JPH1: variants seen among roughly 807,000 people sequenced by gnomAD.
The protein encoded by JPH1 is junctophilin 1, also known as junctophilin-1.
In JPH1, 12 loss-of-function variants were observed where a neutral mutation model predicts 53.6. The observed-to-expected ratio is 0.22, with a 90% CI of 0.14 to 0.36. JPH1 has a LOEUF of 0.36. Ranked by LOEUF, JPH1 falls within the 10% of genes least tolerant of loss-of-function variation. The pLI is 1.00. For synonymous variants in JPH1, 375 were observed against 363.8 expected (o/e 1.03, Z -0.35); for missense variants, 808 against 905.5 (o/e 0.89, Z 1.38).
chr8:74,306,322 A>G (rs1436576429), intron 2 of JPH1, among the ~76,000 whole-genome samples: 2 of 152,192 alleles, frequency 1.3e-5, no homozygotes, highest in African/African-American at 2.4e-5. Context: ...AGAATTCTCA[A>G]TGATTGCTCC....
intron 3 of JPH1, among the ~76,000 whole-genome samples, chr8:74,247,760 A>T (rs115478014): frequency 6.6e-6 from 1 of 152,190 alleles, no homozygotes; most frequent in Non-Finnish European, 1.5e-5. Context: ...CGTCACAAAA[A>T]AATGTCATTT....
intron 2 of JPH1, among the ~76,000 whole-genome samples, chr8:74,311,142 T>C (rs1173469692): frequency 6.6e-6 from 1 of 152,224 alleles, no homozygotes; most frequent in East Asian, 1.9e-4. Flanking sequence ...CTGAGAATAG[T>C]GATTTACACT....
At position 74,315,048 on chromosome 8, in the gene JPH1, A is replaced by T. The variant is rs758043709; in HGVS notation, c.952T>A (p.Cys318Ser). Residue 318 changes from cysteine (C) to serine (S), a missense_variant, in exon 2 of 6, where the codon TGT (cysteine) becomes AGT (serine). By Grantham distance (112) the Cys-to-Ser change is moderately radical. This residue lies in a region of JPH1 where 756 missense variants were observed against 811.9 expected (regional missense o/e 0.93). Transcript: ENST00000342232. This position sits in a 1 kb window ranked among gnomAD's most constrained non-coding sequence, Gnocchi z 6.3. ...WANNKRHGYG[C>S]TVFPDGSKEE... ...TTGGAGCCGTCAGGAAACACGGTAC[A>T]GCCATATCCATGCCTCTTGTTATTT... 7 of 1,614,124 alleles carry T rather than the reference A, an allele frequency of 4.3e-6. No homozygotes were observed. The East Asian group carries it at 1.1e-4, about 26-fold the overall frequency.
At chr8:74,313,436 T>G (rs916705079) in intron 2 of JPH1, among the ~76,000 whole-genome samples, 4 of 152,002 alleles carry the variant, frequency 2.6e-5, no homozygotes, top group African/African-American at 9.7e-5. Flanking sequence ...GAAATTAGTT[T>G]GGGATAAAGA....
intron 2 of JPH1, among the ~76,000 whole-genome samples, chr8:74,299,856 A>T (rs1169461018): frequency 2.6e-5 from 4 of 152,240 alleles, no homozygotes; most frequent in South Asian, 2.1e-4. Flanking sequence ...TTACAAATAT[A>T]GCAACTGTAA....
intron 2 of JPH1, among the ~76,000 whole-genome samples, chr8:74,314,576 C>G (rs1386479755): frequency 6.6e-6 from 1 of 152,120 alleles, no homozygotes; most frequent in Non-Finnish European, 1.5e-5. Flanking sequence ...AAGATGAGCA[C>G]AGGGTCTCAG....
At chr8:74,303,581 A>G (rs1807745328) in intron 2 of JPH1, among the ~76,000 whole-genome samples, 1 of 152,090 alleles carries the variant, frequency 6.6e-6, no homozygotes, top group Non-Finnish European at 1.5e-5. Flanking sequence ...TAGTTAGCAG[A>G]TAACTATTTT....
intron 2 of JPH1, among the ~76,000 whole-genome samples, chr8:74,260,621 G>A (rs1806361962): frequency 1.3e-5 from 2 of 152,050 alleles, no homozygotes; most frequent in East Asian, 3.9e-4. Context: ...GGAGGAGTTG[G>A]GAAAAGGCAT....
Position 74,321,235 on chromosome 8 carries a change from C to G in JPH1, c.53G>C (p.Trp18Ser). The change falls in exon 1 of 6, where the codon TGG (tryptophan) becomes TCG (serine). Residue 18 changes from tryptophan (W) to serine (S), a missense_variant. This residue lies in a region of JPH1 where 52 missense variants were observed against 93.6 expected (regional missense o/e 0.56). Transcript: ENST00000342232. This position sits in a 1 kb window ranked among gnomAD's most constrained non-coding sequence, Gnocchi z 4.3. Reference protein sequence around the residue: ...FDDGGTYCGGWEEGKAHGHGI... With the variant: ...FDDGGTYCGGSEEGKAHGHGI... ...ATGCCCGTGCGCCTTGCCCTCCTCCCAGCCGCCGCAGTAGGTGCCGCCATC... is the reference window on the plus strand; with the variant it reads ...ATGCCCGTGCGCCTTGCCCTCCTCCGAGCCGCCGCAGTAGGTGCCGCCATC... 4 of 1,606,768 alleles carry G rather than the reference C, an allele frequency of 2.5e-6. No homozygotes were observed. Among genetic ancestry groups the G allele is most frequent in the Non-Finnish European group, 3.4e-6 (4 of 1,176,880 alleles).
At position 74,315,716 on chromosome 8, in the gene JPH1, C is replaced by A. The variant is rs1586779717; in HGVS notation, c.380-96G>T. 2.5e-6 allele frequency: 3 copies of A among 1,211,960 alleles called. No homozygotes were observed. The highest frequency in any genetic ancestry group is 2.7e-5 in the East Asian group (1 of 37,460). The allele number at this position is 1,211,960 out of a possible 1,614,324, so 75.1% of individuals were successfully genotyped here. On this transcript the variant is annotated intron_variant, in intron 1 of 5. Transcript: ENST00000342232. The surrounding 1 kb of genome is among the most constrained non-coding windows in gnomAD (Gnocchi z 6.3). The stretch of plus-strand genomic sequence containing the variant: ...ACACTGGCGCAGGCCTGCCCAAGGT[C>A]AAATCTGACCCATTTCCAAGTCAAC...
chr8:74,244,913 C>G lies in JPH1; in HGVS notation c.1521G>C (p.Thr507=). Reference sequence around the variant, plus strand: ...ACATCAAGGGCTTATTGACAATGGCCGTCACCTGCTCATCAGCCACACTCC... The same window carrying G: ...ACATCAAGGGCTTATTGACAATGGCGGTCACCTGCTCATCAGCCACACTCC... ...DKRSVADEQV[T]AIVNKPLMSK... Residue 507 remains threonine (T), a synonymous_variant, in exon 4 of 6, where the codon ACG becomes ACC. Coordinates refer to ENST00000342232, the MANE Select transcript of JPH1 (RefSeq NM_020647.4). 1 of 1,614,138 alleles carries G rather than the reference C, an allele frequency of 6.2e-7. No individual in the cohort carries two copies. Among genetic ancestry groups the G allele is most frequent in the Non-Finnish European group, 8.5e-7 (1 of 1,180,046 alleles).
intron 2 of JPH1, among the ~76,000 whole-genome samples, chr8:74,262,745 G>A (rs1806427649): frequency 6.6e-6 from 1 of 152,276 alleles, no homozygotes; most frequent in East Asian, 1.9e-4. Flanking sequence ...GCACCTTATG[G>A]GTGAAGACAC....
intron 3 of JPH1, among the ~76,000 whole-genome samples, chr8:74,252,314 T>G (rs1162271776): frequency 2.0e-5 from 3 of 152,110 alleles, no homozygotes; most frequent in African/African-American, 7.2e-5. Context: ...AAGCTAAAAC[T>G]GACAAATGGG....
Position 74,315,510 on chromosome 8 carries a change from C to G in JPH1, c.490G>C (p.Ala164Pro). 1.2e-6 allele frequency: 2 copies of G among 1,604,552 alleles called. No homozygotes were observed. The highest frequency in any genetic ancestry group is 1.7e-6 in the Non-Finnish European group (2 of 1,176,226). Residue 164 changes from alanine (A) to proline (P), a missense_variant, in exon 2 of 6, where the codon GCC becomes CCC. Transcript: ENST00000342232. The surrounding 1 kb of genome is among the most constrained non-coding windows in gnomAD (Gnocchi z 6.3). ...TTGCTCTGCTCGCTGCGCAGCGAGG[C>G]CAGCGAGGTACGCAGCGGTGAGCGG... The part of the protein sequence containing the change: ...VIRSPLRTSL[A>P]SLRSEQSNGS...
intron 2 of JPH1, among the ~76,000 whole-genome samples, chr8:74,304,169 A>G (rs1316842606): frequency 6.6e-6 from 1 of 152,190 alleles, no homozygotes; most frequent in Non-Finnish European, 1.5e-5. Context: ...ATGGGTAATA[A>G]CTGCTTTTTC....
At chr8:74,268,228 C>T (rs367894170) in intron 2 of JPH1, among the ~76,000 whole-genome samples, 5 of 152,250 alleles carry the variant, frequency 3.3e-5, no homozygotes, top group Admixed American at 2.0e-4. Flanking sequence ...CAGGGGAAAT[C>T]TGGGGCTTAA....
At chr8:74,246,304 C>A (rs1326858680) in intron 3 of JPH1, among the ~76,000 whole-genome samples, 1 of 152,136 alleles carries the variant, frequency 6.6e-6, no homozygotes, top group Non-Finnish European at 1.5e-5. Context: ...CACAACACTG[C>A]ATCTGTTCAT....
chr8:74,236,337 G>A lies in JPH1; in HGVS notation c.*714C>T, dbSNP rs1259932139. On this transcript the variant is annotated 3_prime_UTR_variant, in exon 6 of 6. Coordinates refer to ENST00000342232, the MANE Select transcript of JPH1 (RefSeq NM_020647.4). ...GTTTCTTTTCCTTGAGATGCAACAC[G>A]TGTGTTTCGTCCGGCCAGGACCGCA... 2 of 152,280 alleles carry A rather than the reference G, an allele frequency of 1.3e-5. No individual in the cohort carries two copies. The highest frequency in any genetic ancestry group is 2.4e-5 in the African/African-American group (1 of 41,420). The allele number at this position is 152,280 out of a possible 1,614,324, so 9.4% of individuals were successfully genotyped here.
chr8:74,290,355 A>G (rs1487507753), intron 2 of JPH1, among the ~76,000 whole-genome samples: 2 of 152,230 alleles, frequency 1.3e-5, no homozygotes, highest in African/African-American at 4.8e-5. Flanking sequence ...CAGAGAGCCA[A>G]ATCATGAGTG....
Sources: gnomAD v4.1 joint callset for allele counts (sites outside exome capture counted in the v4.1 genomes callset) on GRCh38, gnomAD v4.1.1 for gene constraint, gnomAD v4.1.1 regional missense constraint, Gnocchi (gnomAD v3.1) non-coding constraint, MANE v1.5 for transcripts, NCBI Gene and HGNC (gene_info 2026-07-23, HGNC 2026-07-21) for gene names.